The following FAM227B variants were observed in gnomAD, a reference collection of about 807,000 sequenced individuals.
FAM227B encodes protein FAM227B.
A neutral mutation model predicts 73.8 loss-of-function variants in FAM227B; 88 were observed. The ratio of observed to expected loss-of-function variants is 1.19; its 90% CI spans 1.00 to 1.42. The LOEUF is 1.42. Among genes scored for constraint, FAM227B ranks in the 40% most tolerant of loss-of-function variants. The pLI is 0.00. For missense variants in FAM227B, 632 were observed against 590.9 expected (o/e 1.07, Z -0.72); for synonymous variants, 210 against 190.5 (o/e 1.10, Z -0.84).
chr15:49,614,599 A>G (rs1212290698), intron 2 of FAM227B, among the ~76,000 whole-genome samples: 1 of 152,238 alleles, frequency 6.6e-6, no homozygotes, highest in Non-Finnish European at 1.5e-5. Context: ...TAATCCTTCT[A>G]GTCTTAAAAC....
intron 10 of FAM227B, among the ~76,000 whole-genome samples, chr15:49,539,588 A>T (rs1312927655): frequency 6.6e-6 from 1 of 152,164 alleles, no homozygotes; most frequent in Non-Finnish European, 1.5e-5. Flanking sequence ...ACTTTTGGAG[A>T]AACAAGAAAA....
chr15:49,446,452 G>T (rs1302377785), intron 11 of FAM227B, among the ~76,000 whole-genome samples: 1 of 151,588 alleles, frequency 6.6e-6, no homozygotes, highest in Non-Finnish European at 1.5e-5. Flanking sequence ...AGTTTCATAT[G>T]AACAAAGGAG....
At chr15:49,602,962 G>A (rs2077298016) in intron 3 of FAM227B, among the ~76,000 whole-genome samples, 1 of 152,190 alleles carries the variant, frequency 6.6e-6, no homozygotes, top group African/African-American at 2.4e-5. Flanking sequence ...CTGCAGGTGT[G>A]TGGATTGGTT....
intron 10 of FAM227B, among the ~76,000 whole-genome samples, chr15:49,513,589 T>C (rs2059168576): frequency 6.6e-6 from 1 of 152,188 alleles, no homozygotes; most frequent in African/African-American, 2.4e-5. Context: ...GTGCAGAAGT[T>C]CTTTAGTTTA....
intron 11 of FAM227B, among the ~76,000 whole-genome samples, chr15:49,403,895 T>G (rs1209690773): frequency 6.6e-6 from 1 of 152,188 alleles, no homozygotes; most frequent in African/African-American, 2.4e-5. Context: ...TGTGGGCATT[T>G]AGTCCTATAC....
At chr15:49,515,903 C>T (rs2059344903) in intron 10 of FAM227B, among the ~76,000 whole-genome samples, 1 of 152,034 alleles carries the variant, frequency 6.6e-6, no homozygotes, top group African/African-American at 2.4e-5. Flanking sequence ...AATGGGATAT[C>T]CTCCGTTGCC....
At chr15:49,516,649 G>T (rs949987966) in intron 10 of FAM227B, among the ~76,000 whole-genome samples, 8 of 151,912 alleles carry the variant, frequency 5.3e-5, no homozygotes, top group African/African-American at 1.7e-4. Flanking sequence ...CAGTCATAAA[G>T]GTTGTGACAT....
intron 9 of FAM227B, among the ~76,000 whole-genome samples, chr15:49,548,345 C>A (rs116451477): frequency 0.017 from 2,521 of 152,172 alleles, 32 homozygotes; most frequent in Middle Eastern, 0.037. Context: ...TATGTTGAAC[C>A]ATCCTTCCAC....
chr15:49,523,268 A>C (rs1580997), intron 10 of FAM227B, among the ~76,000 whole-genome samples: 1 of 152,106 alleles, frequency 6.6e-6, no homozygotes, highest in African/African-American at 2.4e-5. Flanking sequence ...CACATGTTGC[A>C]GGAGGGTTGC....
At position 49,568,224 on chromosome 15, in the gene FAM227B, A is replaced by G. The variant is rs368505098; in HGVS notation, c.747+21T>C. On this transcript the variant is annotated intron_variant, in intron 9 of 15. Transcript: ENST00000299338. ...ATTCACTTTAAAAATAATTAGCATA[A>G]CTGTTAATTTCAATGCTTACCTGAA... 1.8e-5 allele frequency: 27 copies of G among 1,531,804 alleles called. No individual in the cohort carries two copies. In the Middle Eastern group the frequency reaches 5.1e-4, roughly 29 times the overall value. The allele number at this position is 1,531,804 out of a possible 1,614,324, so 94.9% of individuals were successfully genotyped here. A position where few individuals can be genotyped will look rare whatever the true frequency, so the allele number is the denominator to read the frequency against.
chr15:49,589,651 G>A, intron 4 of FAM227B, 125 bp downstream of exon 4: 1 of 646,440 alleles, frequency 1.5e-6, no homozygotes, highest in Non-Finnish European at 2.7e-6. Context: ...ACTGGCTTAT[G>A]CCTGTAATTC....
chr15:49,453,190 T>A (rs1208131515), intron 11 of FAM227B, among the ~76,000 whole-genome samples: 2 of 152,116 alleles, frequency 1.3e-5, no homozygotes, highest in African/African-American at 2.4e-5. Context: ...TTTCTTTTTT[T>A]AAAATTTGAA....
At chr15:49,509,391 G>A (rs896508165) in intron 10 of FAM227B, among the ~76,000 whole-genome samples, 1 of 152,114 alleles carries the variant, frequency 6.6e-6, no homozygotes, top group Non-Finnish European at 1.5e-5. Context: ...ATACTGTCCA[G>A]TATTGCATAA....
intron 3 of FAM227B, among the ~76,000 whole-genome samples, chr15:49,610,869 T>C (rs1241369914): frequency 6.6e-6 from 1 of 152,208 alleles, no homozygotes; most frequent in Admixed American, 6.5e-5. Flanking sequence ...ACAGATTACC[T>C]GTCTCAGGTG....
intron 10 of FAM227B, among the ~76,000 whole-genome samples, chr15:49,509,992 T>C (rs776015352): frequency 6.6e-6 from 1 of 152,276 alleles, no homozygotes; most frequent in Non-Finnish European, 1.5e-5. Flanking sequence ...CAAAGTCCCA[T>C]AGTTCCTCAC....
At chr15:49,353,765 AGGGTTCT>A (rs1180660224) in intron 13 of FAM227B, 1 of 150,028 alleles carries the variant, frequency 6.7e-6, no homozygotes, top group East Asian at 1.9e-4. Flanking sequence ...ACTAGATGGG[AGGGTTCT>A]GGATTAGTTG....
intron 11 of FAM227B, among the ~76,000 whole-genome samples, chr15:49,471,994 T>C (rs888979733): frequency 6.8e-6 from 1 of 146,324 alleles, no homozygotes; most frequent in African/African-American, 2.5e-5. Context: ...TTTTTTCTTC[T>C]AGTTTTATCT....
chr15:49,375,986 T>C (rs2046138484), intron 11 of FAM227B, among the ~76,000 whole-genome samples: 1 of 152,078 alleles, frequency 6.6e-6, no homozygotes, highest in South Asian at 2.1e-4. Flanking sequence ...ATTATTGATG[T>C]GTTCCTCCTT....
In FAM227B at chr15:49,328,076, A is replaced by G. The variant is rs1187190741; in HGVS notation, c.*492T>C. 6.2e-7 allele frequency: 1 copy of G among 1,614,104 alleles called. No individual in the cohort carries two copies. The highest frequency in any genetic ancestry group is 1.3e-5 in the African/African-American group (1 of 75,032). Reference sequence around the variant, plus strand: ...TGTGCACAAAGCTTATTACCAGAGGAGTGATGGAAGCTTAGCACCGGAGAA... The same window carrying G: ...TGTGCACAAAGCTTATTACCAGAGGGGTGATGGAAGCTTAGCACCGGAGAA... On this transcript the variant is annotated 3_prime_UTR_variant, in exon 16 of 16. Coordinates refer to ENST00000299338, the MANE Select transcript of FAM227B (RefSeq NM_152647.3).
Sources: gnomAD v4.1 joint callset for allele counts (sites outside exome capture counted in the v4.1 genomes callset) on GRCh38, gnomAD v4.1.1 for gene constraint, MANE v1.5 for transcripts, NCBI Gene and HGNC (gene_info 2026-07-23, HGNC 2026-07-21) for gene names.